The following NELL1 variants were observed in gnomAD, a reference collection of about 807,000 sequenced individuals.
The protein encoded by NELL1 is protein kinase C-binding protein NELL1.
A neutral mutation model predicts 107.4 loss-of-function variants in NELL1; 76 were observed. That is an observed-to-expected ratio of 0.71 (90% confidence interval 0.59 to 0.86). NELL1 has a LOEUF of 0.86. Among genes scored for constraint, NELL1 ranks in the 40% least tolerant of loss-of-function variants. NELL1 has a pLI of 0.00. For synonymous variants in NELL1, 353 were observed against 341.2 expected (o/e 1.03, Z -0.38); for missense variants, 1,024 against 1,005.5 (o/e 1.02, Z -0.25).
chr11:20,759,774 T>C (rs1323501590), intron 2 of NELL1, among the ~76,000 whole-genome samples: 1 of 152,198 alleles, frequency 6.6e-6, no homozygotes, highest in African/African-American at 2.4e-5. Flanking sequence ...AGAGATACTG[T>C]TGGAGACAGA....
intron 12 of NELL1, among the ~76,000 whole-genome samples, chr11:20,977,408 G>A (rs1048140678): frequency 1.3e-5 from 2 of 151,864 alleles, no homozygotes; most frequent in African/African-American, 4.8e-5. Flanking sequence ...GGGACTACAG[G>A]CATCTGCCAC....
At chr11:21,151,858 A>C (rs1255812291) in intron 13 of NELL1, among the ~76,000 whole-genome samples, 1 of 152,206 alleles carries the variant, frequency 6.6e-6, no homozygotes, top group Non-Finnish European at 1.5e-5. Context: ...CTCCATGTTG[A>C]AGTATTACAC....
chr11:21,364,909 CA>C (rs1275278068), intron 14 of NELL1, among the ~76,000 whole-genome samples: 1 of 152,198 alleles, frequency 6.6e-6, no homozygotes, highest in African/African-American at 2.4e-5. Flanking sequence ...TTCAGCCTCT[CA>C]CCTCAGTGTG....
At chr11:21,323,874 G>C (rs1028461784) in intron 14 of NELL1, among the ~76,000 whole-genome samples, 1 of 151,982 alleles carries the variant, frequency 6.6e-6, no homozygotes, top group Non-Finnish European at 1.5e-5. Context: ...ACAGAATCAG[G>C]GTTGAGCAAA....
chr11:21,018,790 G>A (rs1299852043), intron 12 of NELL1, among the ~76,000 whole-genome samples: 3 of 152,114 alleles, frequency 2.0e-5, no homozygotes, highest in Admixed American at 6.6e-5. Flanking sequence ...TTTACTGCAG[G>A]AATGCTTAGA....
chr11:21,384,097 C>T (rs1389921788), intron 15 of NELL1, among the ~76,000 whole-genome samples: 3 of 151,930 alleles, frequency 2.0e-5, no homozygotes, highest in African/African-American at 7.2e-5. Context: ...CTGCTATCAC[C>T]CTTTTACATG....
At chr11:21,194,007 A>G (rs1857099616) in intron 13 of NELL1, among the ~76,000 whole-genome samples, 1 of 151,996 alleles carries the variant, frequency 6.6e-6, no homozygotes, top group East Asian at 1.9e-4. Context: ...CTGTTGAGCC[A>G]GATAATGATT....
rs79641920 is a variant in NELL1 at position 21,169,500 on chromosome 11, T to C, written c.1426+55786T>C. Among the ~76,000 whole-genome samples, 3 of 152,076 alleles carry C rather than the reference T, an allele frequency of 2.0e-5. No individual in the cohort carries two copies. The East Asian group carries it at 5.8e-4, about 29-fold the overall frequency. On this transcript the variant is annotated intron_variant, in intron 13 of 19. Transcript: ENST00000357134. ...TATACATTTCTGTTGCTGATGTTAC[T>C]GTTGGCTTGACTATTCTCCTACCCA...
intron 2 of NELL1, among the ~76,000 whole-genome samples, chr11:20,681,892 C>T (rs1854198453): frequency 6.6e-6 from 1 of 152,018 alleles, no homozygotes; most frequent in Non-Finnish European, 1.5e-5. Context: ...ACATTTCCTT[C>T]TCTTTGATTC....
chr11:20,703,467 G>GT (rs952311401), intron 2 of NELL1, among the ~76,000 whole-genome samples: 2 of 151,778 alleles, frequency 1.3e-5, no homozygotes, highest in African/African-American at 4.8e-5. Flanking sequence ...GGATTCATTG[G>GT]TTTTTTTGAA....
Position 21,422,812 on chromosome 11 carries a change from A to G in NELL1, c.1645+51864A>G, listed in dbSNP as rs375750069. 3.2e-4 allele frequency among the ~76,000 whole-genome samples: 49 copies of G among 152,310 alleles called. No homozygotes were observed. The South Asian group carries it at 9.5e-3, about 30-fold the overall frequency. On this transcript the variant is annotated intron_variant, in intron 15 of 19. Transcript: ENST00000357134. ...AGTCATATAGGAAACAAATAAGAGAATGAAAGAAATAAGTCCCTTCTTAGC... is the reference window on the plus strand; with the variant it reads ...AGTCATATAGGAAACAAATAAGAGAGTGAAAGAAATAAGTCCCTTCTTAGC...
intron 13 of NELL1, among the ~76,000 whole-genome samples, chr11:21,150,967 A>G (rs1433757756): frequency 6.6e-6 from 1 of 152,108 alleles, no homozygotes; most frequent in East Asian, 1.9e-4. Context: ...GAGAGAGGGC[A>G]AAGGAGGAAG....
intron 14 of NELL1, among the ~76,000 whole-genome samples, chr11:21,329,341 G>A (rs1307947342): frequency 6.6e-6 from 1 of 152,046 alleles, no homozygotes; most frequent in East Asian, 1.9e-4. Context: ...AGGATTGCTT[G>A]TTTCCCCTTC....
chr11:21,276,596 C>A (rs1366603161), intron 14 of NELL1, among the ~76,000 whole-genome samples: 1 of 152,112 alleles, frequency 6.6e-6, no homozygotes, highest in Non-Finnish European at 1.5e-5. Context: ...CCAAGTCAAT[C>A]CTAAGCCAAA....
chr11:20,842,533 C>G (rs996284516), intron 3 of NELL1, among the ~76,000 whole-genome samples: 2 of 152,084 alleles, frequency 1.3e-5, no homozygotes, highest in African/African-American at 4.8e-5. Flanking sequence ...TGGAGGCTGC[C>G]TGAGTTCACT....
intron 3 of NELL1, among the ~76,000 whole-genome samples, chr11:20,826,211 C>G (rs893491964): frequency 6.6e-6 from 1 of 151,290 alleles, no homozygotes; most frequent in Non-Finnish European, 1.5e-5. Context: ...TGAGAATGGA[C>G]TAATATAGTA....
intron 12 of NELL1, among the ~76,000 whole-genome samples, chr11:20,971,172 T>C (rs1394664085): frequency 6.6e-6 from 1 of 152,134 alleles, no homozygotes; most frequent in African/African-American, 2.4e-5. Flanking sequence ...CAAGCCTATG[T>C]GTATGGCCTT....
intron 14 of NELL1, among the ~76,000 whole-genome samples, chr11:21,341,489 T>A (rs1850563682): frequency 6.6e-6 from 1 of 152,186 alleles, no homozygotes; most frequent in South Asian, 2.1e-4. Flanking sequence ...AAGCCTCATG[T>A]TGGTAATTCA....
chr11:21,131,376 G>C (rs1855613291), intron 13 of NELL1, among the ~76,000 whole-genome samples: 1 of 152,210 alleles, frequency 6.6e-6, no homozygotes, highest in African/African-American at 2.4e-5. Flanking sequence ...AAATGCGGTA[G>C]AGAGGAAAGC....
Sources: gnomAD v4.1 joint callset for allele counts (sites outside exome capture counted in the v4.1 genomes callset) on GRCh38, gnomAD v4.1.1 for gene constraint, MANE v1.5 for transcripts, NCBI Gene and HGNC (gene_info 2026-07-23, HGNC 2026-07-21) for gene names.